The following TFEC variants were observed in gnomAD, a reference collection of about 807,000 sequenced individuals.
TFEC encodes the protein transcription factor EC, also known as class E basic helix-loop-helix protein 34.
TFEC carries 31 observed loss-of-function variants against 41.6 expected under a neutral mutation model. The observed-to-expected ratio is 0.74, with a 90% CI of 0.56 to 1.01. TFEC has a LOEUF of 1.01. Ranked by LOEUF, TFEC falls within the 50% of genes least tolerant of loss-of-function variation. The pLI, the probability that TFEC is intolerant of heterozygous loss-of-function variation, is 0.00. For missense variants in TFEC, 402 were observed against 404.1 expected (o/e 0.99, Z 0.04); for synonymous variants, 143 against 140.6 (o/e 1.02, Z -0.12).
At chr7:115,952,602 A>G (rs1231778092) in intron 5 of TFEC, among the ~76,000 whole-genome samples, 1 of 151,916 alleles carries the variant, frequency 6.6e-6, no homozygotes, top group Non-Finnish European at 1.5e-5. Context: ...CTTCTTCTCT[A>G]CTCTTCTTAG....
intron 3 of TFEC, among the ~76,000 whole-genome samples, chr7:116,087,137 G>C (rs1307472186): frequency 6.6e-6 from 1 of 151,946 alleles, no homozygotes; most frequent in Non-Finnish European, 1.5e-5. Flanking sequence ...CTCAGCCAAT[G>C]TTAAAAACTT....
intron 1 of TFEC, among the ~76,000 whole-genome samples, chr7:116,152,933 G>A (rs1299586527): frequency 6.6e-6 from 1 of 152,106 alleles, no homozygotes; most frequent in African/African-American, 2.4e-5. Context: ...AATGAATGAA[G>A]CAAATGACAG....
chr7:116,126,741 ATAT>A (rs1217456207), intron 1 of TFEC, among the ~76,000 whole-genome samples: 1 of 152,174 alleles, frequency 6.6e-6, no homozygotes, highest in Non-Finnish European at 1.5e-5. Context: ...CCACTGAATG[ATAT>A]ACCCCAGTCA....
At chr7:115,969,956 G>A (rs532993040) in intron 3 of TFEC, among the ~76,000 whole-genome samples, 1 of 152,100 alleles carries the variant, frequency 6.6e-6, no homozygotes, top group East Asian at 1.9e-4. Flanking sequence ...GCAGATTTTG[G>A]AGGAAGGACT....
At chr7:116,053,905 G>T (rs1349854784) in intron 3 of TFEC, among the ~76,000 whole-genome samples, 2 of 152,132 alleles carry the variant, frequency 1.3e-5, no homozygotes, top group Non-Finnish European at 2.9e-5. Flanking sequence ...CTGTGTACCA[G>T]AAAGGAGCCA....
Position 115,936,933 on chromosome 7 carries a change from A to T in TFEC, c.*3618T>A, listed in dbSNP as rs1265992499. 6.6e-6 allele frequency: 1 copy of T among 151,628 alleles called. No individual in the cohort carries two copies. Among genetic ancestry groups the T allele is most frequent in the Non-Finnish European group, 1.5e-5 (1 of 67,678 alleles). 9.4% of individuals were successfully genotyped at this position (151,628 alleles called of 1,614,324 possible). ...GAAAGCCATGGTCACTGATATGCCT[A>T]TAAACTGAGAAAATACCATCTGTAC... On this transcript the variant is annotated 3_prime_UTR_variant, in exon 8 of 8. Transcript: ENST00000265440.
At chr7:116,025,940 G>A (rs1049737222) in intron 1 of TFEC, among the ~76,000 whole-genome samples, 6 of 152,178 alleles carry the variant, frequency 3.9e-5, no homozygotes, top group African/African-American at 1.2e-4. Flanking sequence ...CTCTTAAATC[G>A]GATACAGAAA....
At chr7:116,122,093 T>C (rs949373289) in intron 1 of TFEC, among the ~76,000 whole-genome samples, 2 of 152,078 alleles carry the variant, frequency 1.3e-5, no homozygotes, top group Non-Finnish European at 2.9e-5. Flanking sequence ...ACTGAAATTG[T>C]AATTGTTGTT....
At chr7:116,003,359 G>A (rs1464362075) in intron 1 of TFEC, among the ~76,000 whole-genome samples, 1 of 152,058 alleles carries the variant, frequency 6.6e-6, no homozygotes, top group African/African-American at 2.4e-5. Context: ...GACAGAGCAG[G>A]CCTCACAGCA....
chr7:116,092,214 C>T (rs1797345309), intron 3 of TFEC, among the ~76,000 whole-genome samples: 3 of 152,166 alleles, frequency 2.0e-5, no homozygotes, highest in South Asian at 2.1e-4. Context: ...AAAGCACTTT[C>T]ACATTGCCCT....
chr7:116,095,833 C>G (rs1055639541), intron 3 of TFEC, among the ~76,000 whole-genome samples: 1 of 151,654 alleles, frequency 6.6e-6, no homozygotes, highest in East Asian at 1.9e-4. Flanking sequence ...TACTTTTTTT[C>G]TCATCCACTA....
chr7:116,076,648 A>C (rs1796966890), intron 3 of TFEC, among the ~76,000 whole-genome samples: 1 of 152,024 alleles, frequency 6.6e-6, no homozygotes, highest in African/African-American at 2.4e-5. Flanking sequence ...AGTCTCAGCA[A>C]TACAATAAAC....
chr7:116,088,771 T>C (rs1482481628), intron 3 of TFEC, among the ~76,000 whole-genome samples: 5 of 152,160 alleles, frequency 3.3e-5, no homozygotes, highest in African/African-American at 1.2e-4. Context: ...GAAATATATA[T>C]GTACTTAATA....
chr7:116,086,719 C>T (rs375159520), intron 3 of TFEC, among the ~76,000 whole-genome samples: 23 of 151,914 alleles, frequency 1.5e-4, no homozygotes, highest in African/African-American at 4.8e-4. Context: ...TAACTCAGCA[C>T]TTGACAGGAA....
intron 6 of TFEC, among the ~76,000 whole-genome samples, chr7:115,946,454 C>A (rs557947569): frequency 5.0e-4 from 74 of 148,180 alleles, no homozygotes; most frequent in African/African-American, 1.8e-3. Flanking sequence ...CTTATTCTAC[C>A]ACCCAGGCTG....
intron 3 of TFEC, among the ~76,000 whole-genome samples, chr7:116,090,050 A>T (rs74918294): frequency 0.011 from 1,607 of 152,248 alleles, 30 homozygotes; most frequent in African/African-American, 0.037. Context: ...CCTAGAATGG[A>T]ATTGAAAGGA....
intron 1 of TFEC, among the ~76,000 whole-genome samples, chr7:116,150,589 C>T (rs1045703768): frequency 1.3e-5 from 2 of 151,878 alleles, no homozygotes; most frequent in African/African-American, 4.8e-5. Context: ...GGTTATATAT[C>T]ACATGGTTGG....
chr7:116,022,965 CTGA>C (rs1005755254), intron 1 of TFEC, among the ~76,000 whole-genome samples: 1 of 151,984 alleles, frequency 6.6e-6, no homozygotes, highest in African/African-American at 2.4e-5. Context: ...GATCAAACAG[CTGA>C]TTATGGCAGA....
intron 1 of TFEC, among the ~76,000 whole-genome samples, chr7:116,126,230 C>T (rs7803419): frequency 0.11 from 16,377 of 151,930 alleles, 949 homozygotes; most frequent in African/African-American, 0.15. Flanking sequence ...CAAAATAAAA[C>T]AATATCTTTT....
Sources: gnomAD v4.1 joint callset for allele counts (sites outside exome capture counted in the v4.1 genomes callset) on GRCh38, gnomAD v4.1.1 for gene constraint, MANE v1.5 for transcripts, NCBI Gene and HGNC (gene_info 2026-07-23, HGNC 2026-07-21) for gene names.